Variants in DTNA observed in about 807,000 individuals in gnomAD.
DTNA encodes the protein dystrophin-related protein 3.
In DTNA, 43 loss-of-function variants were observed where a neutral mutation model predicts 100.7. The observed-to-expected ratio is 0.43, with a 90% CI of 0.33 to 0.55. The LOEUF (loss-of-function observed/expected upper bound fraction) is 0.55, where lower values mean the gene tolerates loss of function less well. Among genes scored for constraint, DTNA ranks in the 20% least tolerant of loss-of-function variants. The pLI is 0.04. For missense variants in DTNA, 798 were observed against 953.9 expected, an observed-to-expected ratio of 0.84 and a Z score of 2.15; for synonymous variants, 349 against 347.9, an observed-to-expected ratio of 1.00 and a Z score of -0.04.
intron 1 of DTNA, among the ~76,000 whole-genome samples, chr18:34,549,771 A>G (rs2045205460): frequency 6.6e-6 from 1 of 151,866 alleles, no homozygotes; most frequent in African/African-American, 2.4e-5. Context: ...ATTTTTTATT[A>G]TTTGTAACAA....
At chr18:34,866,991 A>T (rs201233097) in intron 17 of DTNA, 1 of 1,160,860 alleles carries the variant, frequency 8.6e-7, no homozygotes, top group South Asian at 4.5e-5. Context: ...AAAAAAAAAA[A>T]CAAATTAAAT....
intron 1 of DTNA, among the ~76,000 whole-genome samples, chr18:34,574,875 T>C (rs1176954150): frequency 1.3e-5 from 2 of 152,202 alleles, no homozygotes; most frequent in Admixed American, 6.5e-5. Flanking sequence ...CTGGCCTCAA[T>C]TGATCCTCCT....
At position 34,851,918 on chromosome 18, in the gene DTNA, A is replaced by C; in HGVS notation, c.1522A>C (p.Asn508His). 1 of 1,613,930 alleles carries C rather than the reference A, an allele frequency of 6.2e-7. No homozygotes were observed. The highest frequency in any genetic ancestry group is 1.1e-5 in the South Asian group (1 of 91,076). Residue 508 changes from asparagine to histidine, a missense_variant, in exon 15 of 23, where the codon AAC (asparagine) becomes CAC (histidine). By Grantham distance (68) the Asn-to-His change is moderately conservative. This residue lies in a region of DTNA where 159 missense variants were observed against 201.2 expected (regional missense o/e 0.79). Coordinates refer to ENST00000444659, the MANE Select transcript of DTNA (RefSeq NM_001386795.1). ...QQRQLIAELE[N>H]KNREILQEIQ... ...AAGGCAGCTGATTGCTGAGCTAGAA[A>C]ACAAGAACAGGTGAGACTTTGTAGA... is the stretch of plus-strand genomic sequence containing the variant.
intron 4 of DTNA, among the ~76,000 whole-genome samples, chr18:34,799,994 G>A (rs1223712252): frequency 6.6e-6 from 1 of 152,152 alleles, no homozygotes; most frequent in Non-Finnish European, 1.5e-5. Context: ...AAGGGTTTCT[G>A]TCTGTTCACA....
chr18:34,875,726 A>G (rs1469747024), intron 18 of DTNA, among the ~76,000 whole-genome samples: 3 of 152,218 alleles, frequency 2.0e-5, no homozygotes, highest in Non-Finnish European at 4.4e-5. Flanking sequence ...AGATTTTCTT[A>G]TCTCATATTG....
intron 1 of DTNA, among the ~76,000 whole-genome samples, chr18:34,539,621 G>A (rs2044056447): frequency 6.6e-6 from 1 of 151,880 alleles, no homozygotes; most frequent in Admixed American, 6.6e-5. Flanking sequence ...GGCTTGTGGA[G>A]GCAGTTATAT....
intron 14 of DTNA, among the ~76,000 whole-genome samples, chr18:34,848,633 T>C (rs2096423758): frequency 6.6e-6 from 1 of 152,088 alleles, no homozygotes; most frequent in Non-Finnish European, 1.5e-5. Flanking sequence ...CGCATCCCCC[T>C]TCATTCAGTG....
intron 1 of DTNA, among the ~76,000 whole-genome samples, chr18:34,532,795 G>A (rs1049347520): frequency 4.6e-5 from 7 of 151,324 alleles, no homozygotes; most frequent in Admixed American, 1.3e-4. Flanking sequence ...TGCATAGAAC[G>A]AATAGATTTT....
chr18:34,493,848 G>C (rs2038833534), intron 1 of DTNA: 2 of 148,424 alleles, frequency 1.3e-5, no homozygotes, highest in Non-Finnish European at 3.0e-5. Context: ...GCCCACTCAC[G>C]GGGTTCCCAC....
intron 1 of DTNA, among the ~76,000 whole-genome samples, chr18:34,521,273 T>C (rs2042123790): frequency 6.6e-6 from 1 of 152,156 alleles, no homozygotes; most frequent in Admixed American, 6.5e-5. Flanking sequence ...TTCTGTCAGC[T>C]GTGCCCTCAA....
chr18:34,699,498 G>A (rs1285595825), intron 1 of DTNA, among the ~76,000 whole-genome samples: 7 of 152,118 alleles, frequency 4.6e-5, no homozygotes, highest in Non-Finnish European at 1.0e-4. Flanking sequence ...AAATACCCTT[G>A]CAAATACACC....
chr18:34,669,622 G>C (rs1245408302), intron 1 of DTNA, among the ~76,000 whole-genome samples: 1 of 152,150 alleles, frequency 6.6e-6, no homozygotes, highest in Admixed American at 6.5e-5. Context: ...GGCAGGCCTG[G>C]TGGTGACAAA....
At position 34,519,445 on chromosome 18, in the gene DTNA, T is replaced by TTAAA. The variant is rs573996169; in HGVS notation, c.-2+25947_-2+25950dup. On this transcript the variant is annotated intron_variant, in intron 1 of 19. Transcript: ENST00000283365. Reference sequence around the variant, plus strand: ...AGAGTGATTCTGATTACAAACTTCATTAAATAAATAAATAAATAACTCTTC... The same window carrying TTAAA: ...AGAGTGATTCTGATTACAAACTTCATTAAATAAATAAATAAATAAATAACTCTTC... Among the ~76,000 whole-genome samples the TTAAA allele has an allele frequency of 5.3e-5, 8 of 152,176 alleles. No homozygotes were observed. The South Asian group carries it at 8.3e-4, about 16-fold the overall frequency.
chr18:34,518,708 T>C (rs2041895830), intron 1 of DTNA, among the ~76,000 whole-genome samples: 1 of 82,274 alleles, frequency 1.2e-5, no homozygotes, highest in Non-Finnish European at 2.7e-5. Flanking sequence ...GGCAAACGTG[T>C]GTGTGTGTGT....
chr18:34,840,676 G>C lies in DTNA; in HGVS notation c.1346+1839G>C, dbSNP rs541074301. Among the ~76,000 whole-genome samples the C allele has an allele frequency of 3.3e-5, 5 of 152,226 alleles. No individual in the cohort carries two copies. The South Asian group carries it at 6.2e-4, about 19-fold the overall frequency. On this transcript the variant is annotated intron_variant, in intron 13 of 22. Coordinates refer to ENST00000444659, the MANE Select transcript of DTNA (RefSeq NM_001386795.1). ...ATCTGTCTCAGCAGAGACACCTTGC[G>C]TCTGCCTGATGAAAGCTAAATGTGA...
chr18:34,706,442 A>G (rs1480090165), upstream of DTNA, among the ~76,000 whole-genome samples: 2 of 152,224 alleles, frequency 1.3e-5, no homozygotes, highest in African/African-American at 4.8e-5. Context: ...TTTAAAAACC[A>G]ACGTATTTTT....
intron 1 of DTNA, among the ~76,000 whole-genome samples, chr18:34,557,358 T>C (rs1186937405): frequency 6.6e-6 from 1 of 150,826 alleles, no homozygotes; most frequent in Non-Finnish European, 1.5e-5. Context: ...GAAGCCTTCT[T>C]CTCTCAGCTC....
At chr18:34,786,992 G>C (rs992830983) in intron 3 of DTNA, among the ~76,000 whole-genome samples, 2 of 152,116 alleles carry the variant, frequency 1.3e-5, no homozygotes, top group Admixed American at 1.3e-4. Context: ...AAACTGCCTA[G>C]ATATGTTGTT....
chr18:34,520,948 A>G (rs1265830681), intron 1 of DTNA, among the ~76,000 whole-genome samples: 2 of 152,160 alleles, frequency 1.3e-5, no homozygotes, highest in Non-Finnish European at 2.9e-5. Context: ...TTAGAGGCAA[A>G]AGATGGTGTC....
Sources: gnomAD v4.1 joint callset for allele counts (sites outside exome capture counted in the v4.1 genomes callset) on GRCh38, gnomAD v4.1.1 for gene constraint, gnomAD v4.1.1 regional missense constraint, MANE v1.5 for transcripts, NCBI Gene and HGNC (gene_info 2026-07-23, HGNC 2026-07-21) for gene names.